The following COL25A1 variants were observed in gnomAD, a reference collection of about 807,000 sequenced individuals.
The protein encoded by COL25A1 is collagen type XXV alpha 1 chain.
Under a neutral mutation model 128.4 loss-of-function variants are expected in COL25A1, and 103 were observed. The observed-to-expected ratio is 0.80, with a 90% CI of 0.68 to 0.94. The LOEUF is 0.94. Among genes scored for constraint, COL25A1 ranks in the 40% least tolerant of loss-of-function variants. The pLI is 0.00. For synonymous variants in COL25A1, 279 were observed against 277.2 expected (o/e 1.01, Z -0.06); for missense variants, 745 against 840.0 (o/e 0.89, Z 1.40).
At chr4:108,994,910 A>G (rs1754606293) in intron 6 of COL25A1, among the ~76,000 whole-genome samples, 1 of 152,224 alleles carries the variant, frequency 6.6e-6, no homozygotes, top group African/African-American at 2.4e-5. Flanking sequence ...AACAGAAAGG[A>G]ATAGCATCAA....
chr4:108,852,314 G>A lies in COL25A1; in HGVS notation c.1345-34C>T, dbSNP rs765262379. The A allele has an allele frequency of 2.6e-6, 4 of 1,510,354 alleles. No individual in the cohort carries two copies. The South Asian group carries it at 4.7e-5, about 18-fold the overall frequency. 93.6% of individuals were successfully genotyped at this position (1,510,354 alleles called of 1,614,324 possible). A position where few individuals can be genotyped will look rare whatever the true frequency, so the allele number is the denominator to read the frequency against. On this transcript the variant is annotated intron_variant, in intron 25 of 37. Transcript: ENST00000399132. ...AGAAAAAGCACAGTTTTTAAAAGTA[G>A]TAATTATATGTATTAAAATTCATAC...
chr4:108,938,154 G>A (rs1007222583), intron 10 of COL25A1, among the ~76,000 whole-genome samples: 6 of 152,146 alleles, frequency 3.9e-5, no homozygotes, highest in Admixed American at 2.6e-4. Flanking sequence ...CTTAGTGCAG[G>A]TGTTTAATAA....
intron 6 of COL25A1, among the ~76,000 whole-genome samples, chr4:108,989,148 A>T (rs1422460076): frequency 6.6e-6 from 1 of 152,206 alleles, no homozygotes; most frequent in Non-Finnish European, 1.5e-5. Context: ...TGCTGGCCCA[A>T]ATTGGGACTG....
At chr4:109,101,826 C>T (rs907298059) in intron 3 of COL25A1, among the ~76,000 whole-genome samples, 2 of 152,204 alleles carry the variant, frequency 1.3e-5, no homozygotes, top group Non-Finnish European at 2.9e-5. Context: ...TTGGGCCCCC[C>T]TTTCACACAT....
At chr4:109,129,003 A>C (rs1031451072) in intron 3 of COL25A1, among the ~76,000 whole-genome samples, 5 of 152,340 alleles carry the variant, frequency 3.3e-5, no homozygotes, top group African/African-American at 9.6e-5. Context: ...GTCTGATTCA[A>C]CGTGTCTAAG....
At chr4:109,002,325 T>A (rs538969437) in intron 6 of COL25A1, among the ~76,000 whole-genome samples, 1 of 152,304 alleles carries the variant, frequency 6.6e-6, no homozygotes, top group African/African-American at 2.4e-5. Context: ...GTCTATTAGC[T>A]GATGAACAGG....
At chr4:108,953,509 A>G (rs1749699487) in intron 8 of COL25A1, among the ~76,000 whole-genome samples, 2 of 152,176 alleles carry the variant, frequency 1.3e-5, no homozygotes, top group South Asian at 4.1e-4. Flanking sequence ...AATGACTATA[A>G]GAACTTGGCA....
At chr4:108,946,535 TA>T (rs1217762870) in intron 8 of COL25A1, among the ~76,000 whole-genome samples, 3 of 152,202 alleles carry the variant, frequency 2.0e-5, no homozygotes, top group Admixed American at 6.5e-5. Flanking sequence ...CAACAATATT[TA>T]AAAAGCATTT....
chr4:109,010,282 G>C, intron 6 of COL25A1, 76 bp downstream of exon 6: 1 of 1,136,156 alleles, frequency 8.8e-7, no homozygotes, highest in Non-Finnish European at 1.3e-6. Context: ...TATATCTTTT[G>C]AAAGAATTGC....
chr4:108,898,509 AG>A (rs1330445126), intron 15 of COL25A1, among the ~76,000 whole-genome samples: 1 of 152,168 alleles, frequency 6.6e-6, no homozygotes. Flanking sequence ...ATGCAATCAG[AG>A]CCTAAAAATA....
intron 3 of COL25A1, among the ~76,000 whole-genome samples, chr4:109,268,794 T>A (rs557624697): frequency 1.3e-5 from 2 of 152,260 alleles, no homozygotes; most frequent in South Asian, 4.1e-4. Flanking sequence ...AAGAACAAGC[T>A]GCCTAGCTAG....
At chr4:109,081,101 A>G (rs1053767642) in intron 3 of COL25A1, among the ~76,000 whole-genome samples, 1 of 152,206 alleles carries the variant, frequency 6.6e-6, no homozygotes, top group African/African-American at 2.4e-5. Context: ...TTCCCCCAAG[A>G]TACCATCATA....
chr4:109,228,212 A>G (rs1778932388), intron 3 of COL25A1, among the ~76,000 whole-genome samples: 1 of 152,094 alleles, frequency 6.6e-6, no homozygotes, highest in South Asian at 2.1e-4. Flanking sequence ...TTCCTCTGGA[A>G]ACACCCTCAC....
intron 31 of COL25A1, among the ~76,000 whole-genome samples, chr4:108,834,007 G>A (rs572438689): frequency 1.3e-5 from 2 of 152,286 alleles, no homozygotes; most frequent in Non-Finnish European, 2.9e-5. Flanking sequence ...CCGCTCTCAT[G>A]GAATTGTAGG....
intron 17 of COL25A1, 54 bp downstream of exon 17, chr4:108,889,647 T>TA (rs1400019033): frequency 6.5e-7 from 1 of 1,529,982 alleles, no homozygotes; most frequent in East Asian, 2.3e-5. Flanking sequence ...TAGAGGCCTA[T>TA]AAAAATCAGA....
At chr4:108,995,584 G>T (rs1754688593) in intron 6 of COL25A1, among the ~76,000 whole-genome samples, 1 of 152,142 alleles carries the variant, frequency 6.6e-6, no homozygotes, top group African/African-American at 2.4e-5. Flanking sequence ...ACCTAGCAAG[G>T]CAGGCCAACA....
intron 3 of COL25A1, among the ~76,000 whole-genome samples, chr4:109,136,785 G>A (rs908515322): frequency 2.6e-5 from 4 of 152,284 alleles, no homozygotes; most frequent in East Asian, 1.9e-4. Context: ...TGTGGATCAC[G>A]GCCTCCCCTC....
In COL25A1 at chr4:108,889,237, C is replaced by T. The variant is rs1441408215; in HGVS notation, c.959G>A (p.Gly320Asp). The T allele has an allele frequency of 6.2e-7, 1 of 1,613,494 alleles. No homozygotes were observed. Among genetic ancestry groups the T allele is most frequent in the African/African-American group, 1.3e-5 (1 of 74,884 alleles). Residue 320 changes from glycine to aspartate, a missense_variant, in exon 18 of 38, where the codon GGT becomes GAT. Coordinates refer to ENST00000399132, the MANE Select transcript of COL25A1 (RefSeq NM_198721.4). ...AGIKGEPGES[G>D]RPGQKGEPGL... is the part of the protein sequence containing the mutation. Reference sequence around the variant, plus strand: ...AGATATTACCTTTTGCCCTGGACGACCAGATTCCCCAGGTTCTCCCTGGCC... The same window carrying T: ...AGATATTACCTTTTGCCCTGGACGATCAGATTCCCCAGGTTCTCCCTGGCC...
intron 32 of COL25A1, among the ~76,000 whole-genome samples, chr4:108,829,880 G>A (rs1367271201): frequency 6.6e-6 from 1 of 152,140 alleles, no homozygotes; most frequent in Admixed American, 6.6e-5. Flanking sequence ...TCTCTGCTCA[G>A]GAAGAGACAT....
Sources: allele counts gnomAD v4.1 joint callset (sites outside exome capture counted in the v4.1 genomes callset), GRCh38; gene constraint gnomAD v4.1.1; transcripts MANE v1.5; gene names NCBI Gene and HGNC (gene_info 2026-07-23, HGNC 2026-07-21).